The following CD55 variants were observed in gnomAD, a reference collection of about 807,000 sequenced individuals.
CD55 encodes complement decay-accelerating factor.
CD55 carries 41 observed loss-of-function variants against 45.8 expected under a neutral mutation model. The observed-to-expected ratio is 0.90, with a 90% CI of 0.70 to 1.16. The LOEUF is 1.16. CD55 is among the 50% of genes most tolerant of loss of function. The pLI, the probability that CD55 is intolerant of heterozygous loss-of-function variation, is 0.00. For synonymous variants in CD55, 181 were observed against 181.1 expected (o/e 1.00, Z 0.01); for missense variants, 416 against 469.8 (o/e 0.89, Z 1.06).
chr1:207,336,372 G>A (rs1222253754), intron 6 of CD55, among the ~76,000 whole-genome samples: 1 of 152,074 alleles, frequency 6.6e-6, no homozygotes, highest in Admixed American at 6.5e-5. Flanking sequence ...GATAATTTGG[G>A]AGACAAAATA....
chr1:207,333,432 C>A (rs1655037894), intron 6 of CD55, among the ~76,000 whole-genome samples: 1 of 152,188 alleles, frequency 6.6e-6, no homozygotes, highest in African/African-American at 2.4e-5. Flanking sequence ...CAGCTCAATT[C>A]CTAATAGGTT....
At chr1:207,346,406 A>G (rs1168396357) in intron 9 of CD55, among the ~76,000 whole-genome samples, 1 of 152,136 alleles carries the variant, frequency 6.6e-6, no homozygotes, top group Non-Finnish European at 1.5e-5. Context: ...CCTGTGGTGC[A>G]TGTGAGTGCT....
chr1:207,332,876 G>C (rs1655010982), intron 6 of CD55, among the ~76,000 whole-genome samples: 1 of 152,156 alleles, frequency 6.6e-6, no homozygotes, highest in South Asian at 2.1e-4. Flanking sequence ...AACCCATCCT[G>C]ATGTAAGGCA....
chr1:207,345,424 A>G (rs914581798), intron 9 of CD55, among the ~76,000 whole-genome samples: 1 of 151,988 alleles, frequency 6.6e-6, no homozygotes, highest in African/African-American at 2.4e-5. Context: ...GTTCTTTTAT[A>G]TGTATCTTTT....
At chr1:207,359,178 A>C (rs1656190411) in intron 9 of CD55, among the ~76,000 whole-genome samples, 1 of 152,082 alleles carries the variant, frequency 6.6e-6, no homozygotes, top group Non-Finnish European at 1.5e-5. Flanking sequence ...TTCATCTCTT[A>C]ATCTTCTCTT....
intron 9 of CD55, among the ~76,000 whole-genome samples, chr1:207,350,423 G>C (rs1213021447): frequency 6.6e-6 from 1 of 152,134 alleles, no homozygotes; most frequent in Admixed American, 6.5e-5. Context: ...GTTTCAGTAT[G>C]ATTGGTACCG....
intron 2 of CD55, among the ~76,000 whole-genome samples, chr1:207,324,257 CCAA>C (rs1654563800): frequency 6.6e-6 from 1 of 151,794 alleles, no homozygotes; most frequent in African/African-American, 2.4e-5. Flanking sequence ...GGTAAGGAAA[CCAA>C]CATTTATTGA....
chr1:207,328,756 C>T (rs543544041), intron 5 of CD55, among the ~76,000 whole-genome samples: 2 of 152,200 alleles, frequency 1.3e-5, no homozygotes, highest in South Asian at 4.1e-4. Flanking sequence ...TTGTGCTTTA[C>T]CTCCTCAATC....
intron 9 of CD55, among the ~76,000 whole-genome samples, chr1:207,341,307 A>G (rs1572890357): frequency 6.6e-6 from 1 of 151,972 alleles, no homozygotes; most frequent in Non-Finnish European, 1.5e-5. Context: ...TTTATTGTCT[A>G]TGCTTTTGAG....
intron 2 of CD55, among the ~76,000 whole-genome samples, chr1:207,323,083 G>T (rs1654498671): frequency 6.6e-6 from 1 of 151,560 alleles, no homozygotes; most frequent in Non-Finnish European, 1.5e-5. Flanking sequence ...TCAAACACTT[G>T]GTGTTTGTGT....
chr1:207,348,225 C>T (rs1352915400), intron 9 of CD55, among the ~76,000 whole-genome samples: 2 of 152,172 alleles, frequency 1.3e-5, no homozygotes, highest in African/African-American at 4.8e-5. Context: ...ACCTTACCAA[C>T]ATTTGTTATT....
chr1:207,337,300 A>G lies in CD55; in HGVS notation c.980-29A>G, dbSNP rs757195807. ...CAGTGACTAATGGTCTCAAGAGTAC[A>G]CAAAGATTCCCTTCTGCTCATATTA... On this transcript the variant is annotated intron_variant, in intron 7 of 9. Transcript: ENST00000367064. 4 of 1,406,830 alleles carry G rather than the reference A, an allele frequency of 2.8e-6. No homozygotes were observed. The African/African-American group carries it at 5.7e-5, about 20-fold the overall frequency. 87.1% of individuals were successfully genotyped at this position (1,406,830 alleles called of 1,614,324 possible).
At position 207,350,265 on chromosome 1, in the gene CD55, T is replaced by A. The variant is rs565265807; in HGVS notation, c.1082-9281T>A. Reference sequence around the variant, plus strand: ...TGTGCTGCTGGATTTGATCTGCTAGTATTTTGTTGAGGATTTTTGCATTTA... The same window carrying A: ...TGTGCTGCTGGATTTGATCTGCTAGAATTTTGTTGAGGATTTTTGCATTTA... On this transcript the variant is annotated intron_variant, in intron 9 of 9. Coordinates refer to ENST00000367064, the MANE Select transcript of CD55 (RefSeq NM_000574.5). 2.6e-4 allele frequency: 80 copies of A among 311,798 alleles called. 1 individual carries two copies. Among genetic ancestry groups the A allele is most frequent in the African/African-American group, 1.8e-3 (77 of 43,766 alleles). 19.3% of individuals were successfully genotyped at this position (311,798 alleles called of 1,614,324 possible). A position where few individuals can be genotyped will look rare whatever the true frequency, so the allele number is the denominator to read the frequency against.
intron 9 of CD55, among the ~76,000 whole-genome samples, chr1:207,352,260 G>C (rs1183175445): frequency 6.7e-6 from 1 of 150,104 alleles, no homozygotes; most frequent in Non-Finnish European, 1.5e-5. Flanking sequence ...GGGGTGGGGG[G>C]TGCGTTAATT....
intron 6 of CD55, among the ~76,000 whole-genome samples, chr1:207,332,423 T>C (rs1418474692): frequency 1.3e-5 from 2 of 152,222 alleles, no homozygotes; most frequent in East Asian, 1.9e-4. Context: ...AACAAAGGTA[T>C]GTGAATTACA....
rs1272545695 is a variant in CD55, at chr1:207,336,725, G to T, written c.886G>T (p.Val296Phe). Reference protein sequence around the residue: ...KSLTSKVPPTVQKPTTVNVPT... With the variant: ...KSLTSKVPPTFQKPTTVNVPT... ...TCTAACTTCCAAGGTCCCACCAACA[G>T]TTCAGAAACCTACCACAGTAAATGT... The change falls in exon 7 of 10, where the codon GTT becomes TTT. Residue 296 changes from valine to phenylalanine, a missense_variant. Around this residue, in one of 3 missense-constraint regions of CD55, gnomAD observed 182 missense variants for 201.4 expected, o/e 0.90. Transcript: ENST00000367064. 3 of 1,613,770 alleles carry T rather than the reference G, an allele frequency of 1.9e-6. No individual in the cohort carries two copies. In the African/African-American group the frequency reaches 4.0e-5, roughly 22 times the overall value.
chr1:207,322,781 G>T (rs541534487), intron 2 of CD55, among the ~76,000 whole-genome samples: 27 of 152,302 alleles, frequency 1.8e-4, no homozygotes, highest in African/African-American at 6.3e-4. Flanking sequence ...TCCTAACACT[G>T]TACCTCTTGA....
At position 207,360,953 on chromosome 1, in the gene CD55, T is replaced by C. The variant is rs1247760427; in HGVS notation, c.*1343T>C. 6.6e-6 allele frequency: 1 copy of C among 152,180 alleles called. No homozygotes were observed. The highest frequency in any genetic ancestry group is 1.5e-5 in the Non-Finnish European group (1 of 68,028). 9.4% of individuals were successfully genotyped at this position (152,180 alleles called of 1,614,324 possible). A position where few individuals can be genotyped will look rare whatever the true frequency, so the allele number is the denominator to read the frequency against. On this transcript the variant is annotated 3_prime_UTR_variant, in exon 10 of 10. Transcript: ENST00000367064. ...ATGTGTATTTCTTAAAATAAAACTT[T>C]TTTTCCTCCTTAACCACAGTTATCA...
intron 2 of CD55, among the ~76,000 whole-genome samples, chr1:207,324,134 G>A (rs1187905669): frequency 2.2e-4 from 34 of 152,164 alleles, no homozygotes; most frequent in Admixed American, 2.2e-3. Context: ...AATTAAATGA[G>A]TTTGTACGTA....
Sources: gnomAD v4.1 joint callset for allele counts (sites outside exome capture counted in the v4.1 genomes callset) on GRCh38, gnomAD v4.1.1 for gene constraint, gnomAD v4.1.1 regional missense constraint, MANE v1.5 for transcripts, NCBI Gene and HGNC (gene_info 2026-07-23, HGNC 2026-07-21) for gene names.